The following CCRL2 variants were observed in gnomAD, a reference collection of about 807,000 sequenced individuals.
CCRL2 encodes C-C motif chemokine receptor like 2.
For synonymous variants in CCRL2, 181 were observed against 165.6 expected (o/e 1.09, Z -0.71); for missense variants, 451 against 412.4 (o/e 1.09, Z -0.81).
chr3:46,407,676 C>T, intron 1 of CCRL2, 174 bp downstream of exon 1: 2 of 1,544,634 alleles, frequency 1.3e-6, no homozygotes, highest in Admixed American at 2.0e-5. Flanking sequence ...AAATTATGAT[C>T]TACACCCGTT....
chr3:46,409,327 T>C lies in CCRL2; in HGVS notation c.*213T>C, dbSNP rs1702108307. 3.3e-6 allele frequency: 2 copies of C among 597,790 alleles called. No individual in the cohort carries two copies. The highest frequency in any genetic ancestry group is 2.1e-5 in the South Asian group (1 of 47,840). The allele number at this position is 597,790 out of a possible 1,614,324, so 37.0% of individuals were successfully genotyped here. A position where few individuals can be genotyped will look rare whatever the true frequency, so the allele number is the denominator to read the frequency against. On this transcript the variant is annotated 3_prime_UTR_variant, in exon 2 of 2. Coordinates refer to ENST00000399036, the MANE Select transcript of CCRL2 (RefSeq NM_003965.5). The stretch of plus-strand genomic sequence containing the variant: ...TTCGCCTCCTACCACTTGTCCATAG[T>C]GTGGATAGGACTAGTCTCATTTCTC...
In CCRL2 at chr3:46,408,490, CT is replaced by C; in HGVS notation, c.416del (p.Phe139SerfsTer19). ...RYLVFLHKGN[F>X]FSARRRVPCG... Reference sequence around the variant, plus strand: ...ACCTAGTGTTTTTGCACAAGGGAAACTTTTTCTCAGCCAGGAGGAGGGTGCC... The same window carrying C: ...ACCTAGTGTTTTTGCACAAGGGAAACTTTTCTCAGCCAGGAGGAGGGTGCC... On this transcript the variant is annotated frameshift_variant, in exon 2 of 2. Transcript: ENST00000399036. LOFTEE classifies it low-confidence loss of function (END_TRUNC). 2 of 1,614,182 alleles carry C rather than the reference CT, an allele frequency of 1.2e-6. No individual in the cohort carries two copies. The highest frequency in any genetic ancestry group is 1.7e-6 in the Non-Finnish European group (2 of 1,180,028).
intron 1 of CCRL2, 166 bp from the exon 2 acceptor site, chr3:46,407,902 A>C: frequency 1.5e-6 from 1 of 673,490 alleles, no homozygotes; most frequent in Non-Finnish European, 2.5e-6. Flanking sequence ...AAGTGGGCAC[A>C]CGTTAAAGAA....
At position 46,407,284 on chromosome 3, in the gene CCRL2, C is replaced by T. The variant is rs773038372; in HGVS notation, c.-231C>T. On this transcript the variant is annotated 5_prime_UTR_variant, in exon 1 of 2. Coordinates refer to ENST00000399036, the MANE Select transcript of CCRL2 (RefSeq NM_003965.5). ...AGACGCTTCAGAGATCCTCTGGAGG[C>T]CTGGGGGAGCTTTTGAGTACTTTAT... 2.9e-5 allele frequency: 6 copies of T among 206,392 alleles called. No individual in the cohort carries two copies. Among genetic ancestry groups the T allele is most frequent in the Non-Finnish European group, 4.8e-5 (5 of 104,010 alleles). 12.8% of individuals were successfully genotyped at this position (206,392 alleles called of 1,614,324 possible). A position where few individuals can be genotyped will look rare whatever the true frequency, so the allele number is the denominator to read the frequency against.
At position 46,408,026 on chromosome 3, in the gene CCRL2, G is replaced by A. The variant is rs1702072960; in HGVS notation, c.-12-42G>A. ...CAGTTTGTTGTTTCCTCCAGGATAA[G>A]GCAGCTGTCGGAGGGGAAAATCATC... On this transcript the variant is annotated intron_variant, in intron 1 of 1. Coordinates refer to ENST00000399036, the MANE Select transcript of CCRL2 (RefSeq NM_003965.5). The A allele has an allele frequency of 1.3e-5, 18 of 1,426,470 alleles. No homozygotes were observed. In the East Asian group the frequency reaches 4.5e-4, roughly 35 times the overall value. The allele number at this position is 1,426,470 out of a possible 1,614,324, so 88.4% of individuals were successfully genotyped here. A position where few individuals can be genotyped will look rare whatever the true frequency, so the allele number is the denominator to read the frequency against.
At chr3:46,407,604 A>C in intron 1 of CCRL2, 102 bp downstream of exon 1, 1 of 1,347,964 alleles carries the variant, frequency 7.4e-7, no homozygotes, top group Non-Finnish European at 1.0e-6. Context: ...CCTTCGAGAG[A>C]AAAACGTCTC....
Position 46,409,408 on chromosome 3 carries a change from C to T in CCRL2, c.*294C>T, listed in dbSNP as rs1042669677. 2.2e-5 allele frequency: 9 copies of T among 407,386 alleles called. No homozygotes were observed. The highest frequency in any genetic ancestry group is 8.5e-5 in the Admixed American group (2 of 23,608). The allele number at this position is 407,386 out of a possible 1,614,324, so 25.2% of individuals were successfully genotyped here. A position where few individuals can be genotyped will look rare whatever the true frequency, so the allele number is the denominator to read the frequency against. The stretch of plus-strand genomic sequence containing the variant: ...CTAAGATCACATAACTAGGAAGTGG[C>T]AGAACTGATTCTCCAGCCCTGGTAG... On this transcript the variant is annotated 3_prime_UTR_variant, in exon 2 of 2. Transcript: ENST00000399036.
chr3:46,407,637 G>C, intron 1 of CCRL2, 135 bp downstream of exon 1: 2 of 1,535,774 alleles, frequency 1.3e-6, no homozygotes, highest in South Asian at 1.2e-5. Context: ...AAGCTGCTTC[G>C]GGGGGTGAGC....
rs542896835 is a variant in CCRL2 at position 46,409,345 on chromosome 3, C to T, written c.*231C>T. ...TCCATAGTGTGGATAGGACTAGTCT[C>T]ATTTCTCTGAGAAGAAAACTAAGGC... On this transcript the variant is annotated 3_prime_UTR_variant, in exon 2 of 2. Transcript: ENST00000399036. 1.3e-4 allele frequency: 67 copies of T among 529,114 alleles called. 1 individual carries two copies. Among genetic ancestry groups the T allele is most frequent in the South Asian group, 1.2e-3 (40 of 34,654 alleles). 32.8% of individuals were successfully genotyped at this position (529,114 alleles called of 1,614,324 possible).
At chr3:46,408,035 C>A in intron 1 of CCRL2, 33 bp from the exon 2 acceptor site, 1 of 1,468,090 alleles carries the variant, frequency 6.8e-7, no homozygotes. Context: ...AGGCAGCTGT[C>A]GGAGGGGAAA....
At position 46,408,179 on chromosome 3, in the gene CCRL2, CA is replaced by C. The variant is rs756081023; in HGVS notation, c.101del (p.Gln34ArgfsTer17). On this transcript the variant is annotated frameshift_variant, in exon 2 of 2. Transcript: ENST00000399036. LOFTEE classifies it low-confidence loss of function (END_TRUNC). ...EAEQCDKYDA[Q>X]ALSAQLVPSL... ...AGAGCAATGTGACAAGTATGACGCC[CA>C]GGCACTCTCAGCCCAGCTGGTGCCA... 3 of 1,612,906 alleles carry C rather than the reference CA, an allele frequency of 1.9e-6. No individual in the cohort carries two copies. The African/African-American group carries it at 4.0e-5, about 22-fold the overall frequency.
rs370322050 is a variant in CCRL2 at position 46,408,280 on chromosome 3, A to G, written c.201A>G (p.Lys67=). Residue 67 remains lysine, a synonymous_variant, in exon 2 of 2, where the codon AAA becomes AAG. Transcript: ENST00000399036. ...LLVVLILVKY[K]GLKRVENIYL... is the part of the protein sequence containing the mutation. ...TTGTGCTTATCCTGGTAAAATATAA[A>G]GGACTCAAACGCGTGGAAAATATCT... The G allele has an allele frequency of 2.2e-5, 35 of 1,614,098 alleles. No homozygotes were observed. Among genetic ancestry groups the G allele is most frequent in the Middle Eastern group, 1.6e-4 (1 of 6,082 alleles).
chr3:46,409,145 A>C lies in CCRL2; in HGVS notation c.*31A>C. On this transcript the variant is annotated 3_prime_UTR_variant, in exon 2 of 2. Transcript: ENST00000399036. ...CATCCACCAAATGCAAGAAGAATAA[A>C]CATGGATTTTCATCTTTCTGCATTA... 1 of 1,522,766 alleles carries C rather than the reference A, an allele frequency of 6.6e-7. No homozygotes were observed. Among genetic ancestry groups the C allele is most frequent in the Non-Finnish European group, 9.0e-7 (1 of 1,116,356 alleles). 94.3% of individuals were successfully genotyped at this position (1,522,766 alleles called of 1,614,324 possible).
rs372135871 is a variant in CCRL2, at chr3:46,409,009, C to T, written c.930C>T (p.Tyr310=). 6.8e-6 allele frequency: 11 copies of T among 1,614,090 alleles called. No individual in the cohort carries two copies. The highest frequency in any genetic ancestry group is 1.7e-5 in the Admixed American group (1 of 60,010). The change falls in exon 2 of 2, where the codon TAC becomes TAT. Residue 310 remains tyrosine, a synonymous_variant. Coordinates refer to ENST00000399036, the MANE Select transcript of CCRL2 (RefSeq NM_003965.5). ...TTCTTGATGGGACATTTAGCAAATA[C>T]CTCTGCCGCTGTTTCCATCTGCGTA... is the stretch of plus-strand genomic sequence containing the variant. ...YAFLDGTFSK[Y]LCRCFHLRSN... is the part of the protein sequence containing the mutation.
Position 46,408,542 on chromosome 3 carries a change from G to A in CCRL2, c.463G>A (p.Ala155Thr), listed in dbSNP as rs1312487265. 2.5e-6 allele frequency: 4 copies of A among 1,614,142 alleles called. No individual in the cohort carries two copies. In the Admixed American group the frequency reaches 5.0e-5, roughly 20 times the overall value. The change falls in exon 2 of 2, where the codon GCA becomes ACA. Residue 155 changes from alanine (A) to threonine (T), a missense_variant. By Grantham distance (58) the Ala-to-Thr change is moderately conservative (BLOSUM62 0). Transcript: ENST00000399036. Reference sequence around the variant, plus strand: ...CTGTGGCATCATTACAAGTGTCCTGGCATGGGTAACAGCCATTCTGGCCAC... The same window carrying A: ...CTGTGGCATCATTACAAGTGTCCTGACATGGGTAACAGCCATTCTGGCCAC... ...VPCGIITSVL[A>T]WVTAILATLP...
Position 46,408,196 on chromosome 3 carries a change from G to C in CCRL2, c.117G>C (p.Gln39His), listed in dbSNP as rs1166315316. The change falls in exon 2 of 2, where the codon CAG (glutamine) becomes CAC (histidine). Residue 39 changes from glutamine (Q) to histidine (H), a missense_variant. Coordinates refer to ENST00000399036, the MANE Select transcript of CCRL2 (RefSeq NM_003965.5). ...DKYDAQALSA[Q>H]LVPSLCSAVF... ...ATGACGCCCAGGCACTCTCAGCCCA[G>C]CTGGTGCCATCACTCTGCTCTGCTG... is the stretch of plus-strand genomic sequence containing the variant. The C allele has an allele frequency of 1.2e-6, 2 of 1,613,746 alleles. No individual in the cohort carries two copies. Among genetic ancestry groups the C allele is most frequent in the Non-Finnish European group, 1.7e-6 (2 of 1,179,888 alleles).
intron 1 of CCRL2, 83 bp downstream of exon 1, chr3:46,407,585 T>C: frequency 4.5e-6 from 5 of 1,111,438 alleles, no homozygotes; most frequent in Non-Finnish European, 6.6e-6. Flanking sequence ...TGCAAACATT[T>C]ATTTATACCC....
Position 46,408,519 on chromosome 3 carries a change from G to A in CCRL2, c.440G>A (p.Cys147Tyr). The change falls in exon 2 of 2, where the codon TGT (cysteine) becomes TAT (tyrosine). Residue 147 changes from cysteine (C) to tyrosine (Y), a missense_variant. By Grantham distance (194) the Cys-to-Tyr change is radical. Transcript: ENST00000399036. ...TTCTCAGCCAGGAGGAGGGTGCCCTGTGGCATCATTACAAGTGTCCTGGCA... is the reference window on the plus strand; with the variant it reads ...TTCTCAGCCAGGAGGAGGGTGCCCTATGGCATCATTACAAGTGTCCTGGCA... ...NFFSARRRVP[C>Y]GIITSVLAWV... The A allele has an allele frequency of 6.2e-7, 1 of 1,614,226 alleles. No individual in the cohort carries two copies. The highest frequency in any genetic ancestry group is 8.5e-7 in the Non-Finnish European group (1 of 1,180,040).
At position 46,408,321 on chromosome 3, in the gene CCRL2, C is replaced by T. The variant is rs1180479450; in HGVS notation, c.242C>T (p.Ala81Val). ...RVENIYLLNL[A>V]VSNLCFLLTL... ...GAAAATATCTATCTTCTAAACTTGG[C>T]AGTTTCTAACTTGTGTTTCTTGCTT... Residue 81 changes from alanine (A) to valine (V), a missense_variant, in exon 2 of 2, where the codon GCA becomes GTA. By Grantham distance (64) the Ala-to-Val change is moderately conservative. Transcript: ENST00000399036. 3.7e-6 allele frequency: 6 copies of T among 1,614,088 alleles called. No homozygotes were observed. Among genetic ancestry groups the T allele is most frequent in the Non-Finnish European group, 5.1e-6 (6 of 1,180,006 alleles).
Sources: gnomAD v4.1 joint callset for allele counts on GRCh38, gnomAD v4.1.1 for gene constraint, MANE v1.5 for transcripts, NCBI Gene and HGNC (gene_info 2026-07-23, HGNC 2026-07-21) for gene names.